CDH4: variants seen among roughly 807,000 people sequenced by gnomAD.
CDH4 encodes cadherin 4.
In CDH4, 33 loss-of-function variants were observed where a neutral mutation model predicts 86.0. That is an observed-to-expected ratio of 0.38 (90% CI 0.29 to 0.51). The LOEUF is 0.51. CDH4 is among the 20% of genes least tolerant of loss of function. The pLI is 0.86. For missense variants in CDH4, 1,114 were observed against 1,307.4 expected (o/e 0.85, Z 2.28); for synonymous variants, 555 against 549.4 (o/e 1.01, Z -0.14).
chr20:61,744,599 GAC>G (rs984730703), intron 3 of CDH4, among the ~76,000 whole-genome samples: 2 of 100,442 alleles, frequency 2.0e-5, no homozygotes, highest in South Asian at 3.3e-4. Context: ...GAGAGAGAGA[GAC>G]AGACAGACAG....
At chr20:61,853,046 C>T (rs1310953593) in intron 6 of CDH4, 148 bp downstream of exon 6, 6 of 808,794 alleles carry the variant, frequency 7.4e-6, no homozygotes, top group Non-Finnish European at 1.2e-5. Context: ...CAGCAGACGT[C>T]CACCAAAGCC....
intron 2 of CDH4, among the ~76,000 whole-genome samples, chr20:61,631,704 T>A (rs951808880): frequency 6.6e-6 from 1 of 152,202 alleles, no homozygotes; most frequent in Non-Finnish European, 1.5e-5. Context: ...CCTCTGAGAT[T>A]CTGACTCAGA....
At chr20:61,315,054 A>C (rs998745842) in intron 2 of CDH4, among the ~76,000 whole-genome samples, 1 of 152,206 alleles carries the variant, frequency 6.6e-6, no homozygotes, top group Non-Finnish European at 1.5e-5. Context: ...GACTCAGCCC[A>C]GATGGGTCTA....
intron 2 of CDH4, among the ~76,000 whole-genome samples, chr20:61,534,653 CTTTCTTTCTTTCTTT>C (rs2085981223): frequency 1.1e-5 from 1 of 92,770 alleles, no homozygotes; most frequent in Non-Finnish European, 1.9e-5. Context: ...TCTTTCTTTT[CTTTCTTTCTTTCTTT>C]TTTTTTTTTT....
intron 2 of CDH4, among the ~76,000 whole-genome samples, chr20:61,602,229 G>A (rs969559242): frequency 6.6e-6 from 1 of 152,178 alleles, no homozygotes; most frequent in African/African-American, 2.4e-5. Flanking sequence ...ACACCCCAAA[G>A]CACACATTTT....
At chr20:61,880,906 C>T (rs904224543) in intron 7 of CDH4, among the ~76,000 whole-genome samples, 2 of 152,144 alleles carry the variant, frequency 1.3e-5, no homozygotes, top group Non-Finnish European at 2.9e-5. Context: ...AGAGTGAGGG[C>T]CCCCCAGGCC....
chr20:61,862,933 G>T (rs1050828388), intron 6 of CDH4, among the ~76,000 whole-genome samples: 9 of 152,092 alleles, frequency 5.9e-5, no homozygotes, highest in Admixed American at 5.9e-4. Context: ...TTCTATTAGT[G>T]GGCCCCGTTT....
At chr20:61,567,217 C>G (rs910979341) in intron 2 of CDH4, among the ~76,000 whole-genome samples, 21 of 152,324 alleles carry the variant, frequency 1.4e-4, no homozygotes, top group African/African-American at 4.8e-4. Flanking sequence ...TCCGAGCCCC[C>G]CAGGAAAGGC....
intron 2 of CDH4, among the ~76,000 whole-genome samples, chr20:61,683,011 A>G (rs1458130063): frequency 6.6e-6 from 1 of 152,162 alleles, no homozygotes; most frequent in Non-Finnish European, 1.5e-5. Context: ...AAAATCCTGT[A>G]TCTTTTTATA....
intron 2 of CDH4, among the ~76,000 whole-genome samples, chr20:61,262,454 G>T (rs1023416199): frequency 6.6e-6 from 1 of 152,208 alleles, no homozygotes; most frequent in Non-Finnish European, 1.5e-5. Flanking sequence ...GCCTCCAGGG[G>T]TGGCCTTCCT....
At chr20:61,541,575 A>T (rs1408234779) in intron 2 of CDH4, among the ~76,000 whole-genome samples, 1 of 152,222 alleles carries the variant, frequency 6.6e-6, no homozygotes, top group Admixed American at 6.5e-5. Context: ...TTGTAAAAGG[A>T]ATAAGACCGG....
chr20:61,267,700 G>A (rs192612469), intron 2 of CDH4, among the ~76,000 whole-genome samples: 73 of 152,240 alleles, frequency 4.8e-4, no homozygotes, highest in African/African-American at 1.5e-3. Flanking sequence ...AAAGGTCTGC[G>A]TTGGGGAATG....
At chr20:61,788,217 A>G (rs1317626138) in intron 4 of CDH4, among the ~76,000 whole-genome samples, 3 of 152,090 alleles carry the variant, frequency 2.0e-5, no homozygotes, top group Non-Finnish European at 4.4e-5. Flanking sequence ...CCCTTGAGGA[A>G]TGAGAGGCTC....
chr20:61,603,160 A>G (rs2427173), intron 2 of CDH4, among the ~76,000 whole-genome samples: 114,462 of 152,060 alleles, frequency 0.75, 43,174 homozygotes, highest in Admixed American at 0.78. Context: ...CTGTGAGCCG[A>G]GTCCAGCTCA....
At chr20:61,342,056 T>C (rs968111196) in intron 2 of CDH4, among the ~76,000 whole-genome samples, 1 of 152,134 alleles carries the variant, frequency 6.6e-6, no homozygotes, top group Non-Finnish European at 1.5e-5. Context: ...GAGGCAGAGC[T>C]ATGGATGACT....
intron 4 of CDH4, among the ~76,000 whole-genome samples, chr20:61,781,183 C>A (rs1424553475): frequency 1.3e-5 from 2 of 152,058 alleles, no homozygotes; most frequent in Non-Finnish European, 2.9e-5. Context: ...GATAACAGAA[C>A]CAGGGTCTCT....
intron 2 of CDH4, among the ~76,000 whole-genome samples, chr20:61,723,424 G>A (rs577698920): frequency 3.3e-5 from 5 of 152,214 alleles, no homozygotes; most frequent in Non-Finnish European, 5.9e-5. Context: ...TGGCTCTGTC[G>A]TTTTCCTCCC....
At chr20:61,931,247 C>G (rs527534671) in intron 13 of CDH4, among the ~76,000 whole-genome samples, 2 of 152,248 alleles carry the variant, frequency 1.3e-5, no homozygotes, top group Admixed American at 6.5e-5. Flanking sequence ...AGACTAGGCC[C>G]GGGCTCCAGG....
At chr20:61,610,524 G>T (rs1399682228) in intron 2 of CDH4, among the ~76,000 whole-genome samples, 12 of 152,166 alleles carry the variant, frequency 7.9e-5, no homozygotes, top group African/African-American at 2.7e-4. Flanking sequence ...CCCAGCAGTG[G>T]GGTTGCTGGG....
Sources: gnomAD v4.1 joint callset for allele counts (sites outside exome capture counted in the v4.1 genomes callset) on GRCh38, gnomAD v4.1.1 for gene constraint, MANE v1.5 for transcripts, NCBI Gene and HGNC (gene_info 2026-07-23, HGNC 2026-07-21) for gene names.